Variants in TAF2 observed in about 807,000 individuals in gnomAD.
TAF2 encodes the protein TATA-box binding protein associated factor 2, also known as transcription initiation factor TFIID subunit 2.
A neutral mutation model predicts 138.5 loss-of-function variants in TAF2; 61 were observed. The observed-to-expected ratio is 0.44, with a 90% confidence interval of 0.36 to 0.54. TAF2 has a LOEUF of 0.54. Ranked by LOEUF, TAF2 falls within the 20% of genes least tolerant of loss-of-function variation. The pLI, the probability that TAF2 is intolerant of heterozygous loss-of-function variation, is 0.00. For missense variants in TAF2, 1,090 were observed against 1,427.9 expected (o/e 0.76, Z 3.81); for synonymous variants, 475 against 469.9 (o/e 1.01, Z -0.14).
At chr8:119,759,574 T>C (rs1005010732) in intron 20 of TAF2, among the ~76,000 whole-genome samples, 3 of 152,160 alleles carry the variant, frequency 2.0e-5, no homozygotes, top group Non-Finnish European at 4.4e-5. Context: ...TTTTAAAAAT[T>C]ATTTTTGAAA....
intron 25 of TAF2, among the ~76,000 whole-genome samples, chr8:119,739,407 C>T (rs1323767488): frequency 6.6e-6 from 1 of 152,036 alleles, no homozygotes; most frequent in African/African-American, 2.4e-5. Context: ...ATACTCTTGC[C>T]ATTTCTCCCT....
intron 23 of TAF2, 64 bp from the exon 24 acceptor site, chr8:119,744,457 T>C (rs140889121): frequency 2.1e-6 from 3 of 1,420,228 alleles, no homozygotes; most frequent in East Asian, 4.6e-5. Context: ...GTTTGGATAT[T>C]AGCTCTTAGG....
At chr8:119,783,677 TATC>T in intron 15 of TAF2, 44 bp from the exon 16 acceptor site, 4 of 1,555,480 alleles carry the variant, frequency 2.6e-6, no homozygotes, top group Non-Finnish European at 3.5e-6. Context: ...TTTTTAAACT[TATC>T]ATCTATATAT....
At chr8:119,768,888 T>C (rs1160954450) in intron 18 of TAF2, among the ~76,000 whole-genome samples, 1 of 152,184 alleles carries the variant, frequency 6.6e-6, no homozygotes, top group Non-Finnish European at 1.5e-5. Context: ...AGAGGTGTCT[T>C]CTGCGGTTCT....
chr8:119,825,418 G>T (rs577019802), intron 2 of TAF2, among the ~76,000 whole-genome samples: 1 of 152,306 alleles, frequency 6.6e-6, no homozygotes, highest in East Asian at 1.9e-4. Flanking sequence ...ATGAGACTTA[G>T]GACTGTGGAC....
intron 25 of TAF2, among the ~76,000 whole-genome samples, chr8:119,732,411 A>G (rs779657334): frequency 1.3e-5 from 2 of 152,180 alleles, no homozygotes; most frequent in Non-Finnish European, 2.9e-5. Context: ...GTCTATACAA[A>G]TTTGGCCATA....
At chr8:119,826,150 T>C (rs1826084190) in intron 2 of TAF2, among the ~76,000 whole-genome samples, 1 of 151,650 alleles carries the variant, frequency 6.6e-6, no homozygotes, top group Admixed American at 6.6e-5. Context: ...TTAGAAGAAA[T>C]ACCTAATGTA....
rs746042425 is a variant in TAF2, at chr8:119,787,393, C to CA, written c.1793+944dup. Among the ~76,000 whole-genome samples, 137 of 149,986 alleles carry CA rather than the reference C, an allele frequency of 9.1e-4. No individual in the cohort carries two copies. The East Asian group carries it at 0.016, about 18-fold the overall frequency. On this transcript the variant is annotated intron_variant, in intron 14 of 25. Transcript: ENST00000378164. The stretch of plus-strand genomic sequence containing the variant: ...AAAAACAAAAACAAAAACAAACAAA[C>CA]AAAAAAAAACCCAACCCCATCAAAA...
rs757407470 is a variant in TAF2 at position 119,760,754 on chromosome 8, C to A, written c.2559-16G>T. On this transcript the variant is annotated splice_polypyrimidine_tract_variant and intron_variant, in intron 19 of 25. Transcript: ENST00000378164. ...TCTCAAACAACTAGGGAAAAAAATA[C>A]GTATGTTAACTACTTTCACTGAGGT... 6.2e-7 allele frequency: 1 copy of A among 1,613,426 alleles called. No individual in the cohort carries two copies. The highest frequency in any genetic ancestry group is 8.5e-7 in the Non-Finnish European group (1 of 1,179,790).
At chr8:119,781,750 C>T (rs993255744) in intron 16 of TAF2, among the ~76,000 whole-genome samples, 10 of 151,146 alleles carry the variant, frequency 6.6e-5, no homozygotes, top group Admixed American at 1.3e-4. Context: ...GGCTATGGTG[C>T]GATCATGGCT....
chr8:119,762,805 C>T lies in TAF2; in HGVS notation c.2365-197G>A, dbSNP rs1364515883. 13 of 467,592 alleles carry T rather than the reference C, an allele frequency of 2.8e-5. No homozygotes were observed. In the South Asian group the frequency reaches 3.0e-4, roughly 11 times the overall value. 29.0% of individuals were successfully genotyped at this position (467,592 alleles called of 1,614,324 possible). A position where few individuals can be genotyped will look rare whatever the true frequency, so the allele number is the denominator to read the frequency against. On this transcript the variant is annotated intron_variant, in intron 18 of 25. Coordinates refer to ENST00000378164, the MANE Select transcript of TAF2 (RefSeq NM_003184.4). ...CAGTAAGAGATTCACTATAACAATA[C>T]ATTAGTTTACTGATGGAAAACTAAT... is the stretch of plus-strand genomic sequence containing the variant.
At chr8:119,790,794 C>A (rs1438990947) in intron 11 of TAF2, among the ~76,000 whole-genome samples, 1 of 149,958 alleles carries the variant, frequency 6.7e-6, no homozygotes, top group Non-Finnish European at 1.5e-5. Flanking sequence ...TTCATCCCCA[C>A]AATTCTAGTT....
chr8:119,768,847 G>T (rs139064172), intron 18 of TAF2, among the ~76,000 whole-genome samples: 1 of 152,196 alleles, frequency 6.6e-6, no homozygotes, highest in Non-Finnish European at 1.5e-5. Flanking sequence ...AGGAGTTCCA[G>T]CGTGAAACCA....
chr8:119,816,694 A>C (rs558407110), intron 3 of TAF2, among the ~76,000 whole-genome samples: 1 of 152,180 alleles, frequency 6.6e-6, no homozygotes, highest in African/African-American at 2.4e-5. Context: ...TGTCTTTTTC[A>C]TATCTAACTG....
chr8:119,808,863 A>C (rs1261626358), intron 3 of TAF2, among the ~76,000 whole-genome samples: 1 of 152,232 alleles, frequency 6.6e-6, no homozygotes. Flanking sequence ...CCATACTGTG[A>C]ACACCTGTTG....
chr8:119,732,403 C>T (rs1818936841), intron 25 of TAF2, among the ~76,000 whole-genome samples: 1 of 152,070 alleles, frequency 6.6e-6, no homozygotes, highest in South Asian at 2.1e-4. Context: ...TCCTTATAGT[C>T]TATACAAATT....
At chr8:119,780,407 T>C (rs897830325) in intron 17 of TAF2, among the ~76,000 whole-genome samples, 1 of 152,200 alleles carries the variant, frequency 6.6e-6, no homozygotes. Context: ...TAGTGAGTAG[T>C]GGACTGGGAC....
At position 119,762,553 on chromosome 8, in the gene TAF2, G is replaced by A. The variant is rs773952653; in HGVS notation, c.2420C>T (p.Thr807Ile). The change falls in exon 19 of 26, where the codon ACA becomes ATA. Residue 807 changes from threonine (T) to isoleucine (I), a missense_variant. Thr to Ile is a moderately conservative substitution (Grantham distance 89, BLOSUM62 -1). This residue lies in a region of TAF2 where 580 missense variants were observed against 719.6 expected (regional missense o/e 0.81). Coordinates refer to ENST00000378164, the MANE Select transcript of TAF2 (RefSeq NM_003184.4). Reference sequence around the variant, plus strand: ...TTCATTATTCACACTGACTGCAGGTGTAACAGAGTTGGCCAGGGCATCAAT... The same window carrying A: ...TTCATTATTCACACTGACTGCAGGTATAACAGAGTTGGCCAGGGCATCAAT... ...EMIDALANSV[T>I]PAVSVNNEVR... 2 of 1,613,798 alleles carry A rather than the reference G, an allele frequency of 1.2e-6. No homozygotes were observed. The highest frequency in any genetic ancestry group is 1.1e-5 in the South Asian group (1 of 91,040).
intron 25 of TAF2, among the ~76,000 whole-genome samples, chr8:119,736,519 G>A (rs1238148534): frequency 6.6e-6 from 1 of 152,152 alleles, no homozygotes; most frequent in Non-Finnish European, 1.5e-5. Context: ...GCTCACCATT[G>A]GAGATTGCTA....
Sources: gnomAD v4.1 joint callset for allele counts (sites outside exome capture counted in the v4.1 genomes callset) on GRCh38, gnomAD v4.1.1 for gene constraint, gnomAD v4.1.1 regional missense constraint, MANE v1.5 for transcripts, NCBI Gene and HGNC (gene_info 2026-07-23, HGNC 2026-07-21) for gene names.